Variants in DNAH1 observed in about 807,000 individuals in gnomAD.
DNAH1 encodes axonemal beta dynein heavy chain 1.
A neutral mutation model predicts 484.3 loss-of-function variants in DNAH1; 327 were observed. That is an observed-to-expected ratio of 0.68 (90% CI 0.62 to 0.74). The LOEUF (loss-of-function observed/expected upper bound fraction) is 0.74, where lower values mean the gene tolerates loss of function less well. DNAH1 is among the 30% of genes least tolerant of loss of function. The probability of loss-of-function intolerance (pLI) is 0.00; values close to 1 mark genes in which losing one functional copy is unlikely to be tolerated. For synonymous variants in DNAH1, 2,192 were observed against 2,191.9 expected, an observed-to-expected ratio of 1.00 and a Z score of 0.00; for missense variants, 5,052 against 5,546.8, an observed-to-expected ratio of 0.91 and a Z score of 2.83.
intron 9 of DNAH1, among the ~76,000 whole-genome samples, chr3:52,344,964 T>G (rs1702086152): frequency 6.6e-6 from 1 of 152,202 alleles, no homozygotes; most frequent in South Asian, 2.1e-4. Context: ...AGGATAGTCC[T>G]TCTTCCTCCA....
Position 52,357,882 on chromosome 3 carries a change from C to T in DNAH1, c.3981-16C>T. 3.1e-6 allele frequency: 5 copies of T among 1,610,536 alleles called. No individual in the cohort carries two copies. Among genetic ancestry groups the T allele is most frequent in the Non-Finnish European group, 4.2e-6 (5 of 1,178,234 alleles). On this transcript the variant is annotated splice_polypyrimidine_tract_variant and intron_variant, in intron 23 of 77. Coordinates refer to ENST00000420323, the MANE Select transcript of DNAH1 (RefSeq NM_015512.5). The stretch of plus-strand genomic sequence containing the variant: ...AGCCTGCACGACCCGCTTCCTCACC[C>T]CTGTTCCCCTGGCAGATTCTACTTC...
chr3:52,386,097 G>T, intron 54 of DNAH1, 63 bp from the exon 55 acceptor site: 1 of 1,522,174 alleles, frequency 6.6e-7, no homozygotes. Context: ...CCTTCCATCT[G>T]GGGAGACTAA....
Position 52,396,502 on chromosome 3 carries a change from T to A in DNAH1, c.11394T>A (p.Ser3798Arg). The A allele has an allele frequency of 6.2e-7, 1 of 1,610,432 alleles. No homozygotes were observed. The highest frequency in any genetic ancestry group is 8.5e-7 in the Non-Finnish European group (1 of 1,178,344). The change falls in exon 71 of 78, where the codon AGT (serine) becomes AGA (arginine). Residue 3798 changes from serine to arginine, a missense_variant. This residue lies in a region of DNAH1 where 853 missense variants were observed against 899.0 expected (regional missense o/e 0.95). Coordinates refer to ENST00000420323, the MANE Select transcript of DNAH1 (RefSeq NM_015512.5). ...GVRANLLKSY[S>R]SLGEDFLNSC... ...GGGCCAACCTGCTGAAGTCCTATAG[T>A]AGCCTTGGTGAAGACTTCCTCAACT...
Position 52,388,505 on chromosome 3 carries a change from G to A in DNAH1, c.9259G>A (p.Gly3087Ser), listed in dbSNP as rs575172462. The change falls in exon 58 of 78, where the codon GGC becomes AGC. Residue 3087 changes from glycine (G) to serine (S), a missense_variant. By Grantham distance (56) the Gly-to-Ser change is moderately conservative. Around this residue, in one of 4 missense-constraint regions of DNAH1, gnomAD observed 2,929 missense variants for 3,409.4 expected, o/e 0.86. Transcript: ENST00000420323. ...AKQRLREVED[G>S]IATMQAKYRE... ...ACAGCGCCTTCGTGAGGTGGAGGAC[G>A]GCATCGCCACAATGCAGGCTAAGTA... is the stretch of plus-strand genomic sequence containing the variant. The A allele has an allele frequency of 1.3e-5, 21 of 1,612,550 alleles. No homozygotes were observed. Among genetic ancestry groups the A allele is most frequent in the Middle Eastern group, 3.3e-4 (2 of 6,082 alleles).
intron 8 of DNAH1, among the ~76,000 whole-genome samples, chr3:52,339,276 T>C (rs1446441928): frequency 6.6e-6 from 1 of 152,150 alleles, no homozygotes; most frequent in Non-Finnish European, 1.5e-5. Flanking sequence ...TCTCTCATTT[T>C]TATTCTCTTG....
rs202184724 is a variant in DNAH1 at position 52,381,623 on chromosome 3, C to T, written c.7609-17C>T. ...TAAGAGAGACCCCGCCTTCCCCATCCTCGCCTTGGTGCACAGATGATGCAG... is the reference window on the plus strand; with the variant it reads ...TAAGAGAGACCCCGCCTTCCCCATCTTCGCCTTGGTGCACAGATGATGCAG... On this transcript the variant is annotated splice_polypyrimidine_tract_variant and intron_variant, in intron 48 of 77. Coordinates refer to ENST00000420323, the MANE Select transcript of DNAH1 (RefSeq NM_015512.5). This position sits in a 1 kb window ranked among gnomAD's most constrained non-coding sequence, Gnocchi z 4.1. 4.0e-4 allele frequency: 642 copies of T among 1,586,474 alleles called. 1 individual carries two copies. The highest frequency in any genetic ancestry group is 1.2e-3 in the African/African-American group (91 of 74,422).
At chr3:52,394,185 G>A (rs1559571683) in intron 66 of DNAH1, among the ~76,000 whole-genome samples, 1 of 152,260 alleles carries the variant, frequency 6.6e-6, no homozygotes, top group Non-Finnish European at 1.5e-5. Context: ...CTGCGTGCCT[G>A]GCACAGGACT....
At chr3:52,360,734 T>G (rs572688252) in intron 28 of DNAH1, among the ~76,000 whole-genome samples, 1 of 152,264 alleles carries the variant, frequency 6.6e-6, no homozygotes, top group Non-Finnish European at 1.5e-5. Flanking sequence ...ATCTAATGGG[T>G]ATGCACTTTC....
intron 16 of DNAH1, 133 bp from the exon 17 acceptor site, chr3:52,351,829 C>T (rs1487853837): frequency 1.2e-5 from 14 of 1,131,238 alleles, no homozygotes; most frequent in Non-Finnish European, 1.8e-5. Context: ...GTAGCCTCCA[C>T]AGCTGCCTGG....
In DNAH1 at chr3:52,370,560, C is replaced by T. The variant is rs758777405; in HGVS notation, c.6342C>T (p.Ser2114=). ...GGTTCATCTTCTCCCTGATCTGGAG[C>T]GTGGGTGCCACTGGGGACAGCAGTG... ...EPWFIFSLIW[S]VGATGDSSGR... is the part of the protein sequence containing the mutation. Residue 2114 remains serine (S), a synonymous_variant, in exon 40 of 78, where the codon AGC becomes AGT. Coordinates refer to ENST00000420323, the MANE Select transcript of DNAH1 (RefSeq NM_015512.5). 3.0e-5 allele frequency: 48 copies of T among 1,613,766 alleles called. No homozygotes were observed. Among genetic ancestry groups the T allele is most frequent in the Admixed American group, 6.7e-5 (4 of 59,988 alleles).
chr3:52,384,629 G>A lies in DNAH1; in HGVS notation c.8323-157G>A, dbSNP rs528179647. Among the ~76,000 whole-genome samples the A allele has an allele frequency of 1.3e-4, 20 of 152,294 alleles. No homozygotes were observed. The South Asian group carries it at 2.3e-3, about 17-fold the overall frequency. ...TTTCATCTGCACAAAAGGTGACCTC[G>A]ACCTGGAGGTCGTGAGGCTCATAGA... On this transcript the variant is annotated intron_variant, in intron 52 of 77. Coordinates refer to ENST00000420323, the MANE Select transcript of DNAH1 (RefSeq NM_015512.5).
intron 44 of DNAH1, chr3:52,374,750 C>T: frequency 1.7e-6 from 2 of 1,188,906 alleles, no homozygotes; most frequent in Non-Finnish European, 2.5e-6. Context: ...TGAATCTGTT[C>T]ATAGAGATGG....
Position 52,391,172 on chromosome 3 carries a change from C to T in DNAH1, c.9742-7C>T. On this transcript the variant is annotated splice_polypyrimidine_tract_variant and splice_region_variant and intron_variant, in intron 61 of 77. Transcript: ENST00000420323. The stretch of plus-strand genomic sequence containing the variant: ...CTGCAACCCCTTCTTTTCCCCTTCC[C>T]TTACAGGAGAAGGACAATGGGCTGG... 1.2e-6 allele frequency: 2 copies of T among 1,613,874 alleles called. No individual in the cohort carries two copies. Among genetic ancestry groups the T allele is most frequent in the Non-Finnish European group, 1.7e-6 (2 of 1,179,818 alleles).
chr3:52,320,306 C>T (rs1209531118), intron 1 of DNAH1, among the ~76,000 whole-genome samples: 1 of 152,250 alleles, frequency 6.6e-6, no homozygotes, highest in Non-Finnish European at 1.5e-5. Flanking sequence ...GTCTTCAGCA[C>T]CTGTCCTGGG....
intron 6 of DNAH1, among the ~76,000 whole-genome samples, chr3:52,329,999 G>A (rs933774403): frequency 6.6e-6 from 1 of 152,188 alleles, no homozygotes; most frequent in East Asian, 1.9e-4. Context: ...TTGTAGAGAC[G>A]GGATTTTACC....
chr3:52,332,401 C>T lies in DNAH1; in HGVS notation c.1286+7C>T. 1.9e-6 allele frequency: 3 copies of T among 1,610,210 alleles called. No individual in the cohort carries two copies. The highest frequency in any genetic ancestry group is 3.3e-5 in the Admixed American group (2 of 60,010). ...GGATGCGCAAAGGCCCCTCGTGAGT[C>T]CCCGCTCGGCCTTCCCTATTCTGGG... On this transcript the variant is annotated splice_region_variant and intron_variant, in intron 8 of 77. Transcript: ENST00000420323.
chr3:52,316,226 A>G (rs1183049661), upstream of DNAH1: 1 of 152,086 alleles, frequency 6.6e-6, no homozygotes, highest in African/African-American at 2.4e-5. Flanking sequence ...TGCCATGGCA[A>G]CCCGGATAGA....
At chr3:52,338,958 T>C (rs1701831622) in intron 8 of DNAH1, among the ~76,000 whole-genome samples, 1 of 151,668 alleles carries the variant, frequency 6.6e-6, no homozygotes, top group Non-Finnish European at 1.5e-5. Flanking sequence ...TGCTTGAACC[T>C]AGGAGGCAGA....
At position 52,356,506 on chromosome 3, in the gene DNAH1, G is replaced by T. The variant is rs193168602; in HGVS notation, c.3694-108G>T. On this transcript the variant is annotated intron_variant, in intron 21 of 77. Coordinates refer to ENST00000420323, the MANE Select transcript of DNAH1 (RefSeq NM_015512.5). ...GTAGACACTGGCTTTGGTGTCCAGT[G>T]CTCTGCCCAACATGCTGGTGGGGTG... is the stretch of plus-strand genomic sequence containing the variant. The T allele has an allele frequency of 1.1e-5, 13 of 1,140,226 alleles. No individual in the cohort carries two copies. In the Admixed American group the frequency reaches 2.5e-4, roughly 22 times the overall value. The allele number at this position is 1,140,226 out of a possible 1,614,324, so 70.6% of individuals were successfully genotyped here. A position where few individuals can be genotyped will look rare whatever the true frequency, so the allele number is the denominator to read the frequency against.
Sources: gnomAD v4.1 joint callset for allele counts (sites outside exome capture counted in the v4.1 genomes callset) on GRCh38, gnomAD v4.1.1 for gene constraint, gnomAD v4.1.1 regional missense constraint, Gnocchi (gnomAD v3.1) non-coding constraint, MANE v1.5 for transcripts, NCBI Gene and HGNC (gene_info 2026-07-23, HGNC 2026-07-21) for gene names.